Variants in SEC24B observed in about 807,000 individuals in gnomAD.
The protein encoded by SEC24B is SEC24 homolog B, COPII component.
A neutral mutation model predicts 142.8 loss-of-function variants in SEC24B; 45 were observed. That is an observed-to-expected ratio of 0.32 (90% confidence interval 0.25 to 0.40). SEC24B has a LOEUF of 0.40. SEC24B is among the 10% of genes least tolerant of loss of function. The pLI is 1.00. For synonymous variants in SEC24B, 574 were observed against 568.2 expected (o/e 1.01, Z -0.15); for missense variants, 1,409 against 1,526.8 (o/e 0.92, Z 1.29).
At chr4:109,445,574 T>A (rs1409103535) in intron 1 of SEC24B, among the ~76,000 whole-genome samples, 1 of 150,152 alleles carries the variant, frequency 6.7e-6, no homozygotes, top group Non-Finnish European at 1.5e-5. Flanking sequence ...TATTTTATTT[T>A]ATTTATTTTT....
At chr4:109,460,996 C>G (rs1413752653) in intron 1 of SEC24B, among the ~76,000 whole-genome samples, 2 of 151,822 alleles carry the variant, frequency 1.3e-5, no homozygotes, top group Non-Finnish European at 2.9e-5. Flanking sequence ...GAAACTATAG[C>G]AAAAGATACC....
Position 109,530,891 on chromosome 4 carries a change from G to A in SEC24B, c.3252+427G>A, listed in dbSNP as rs1372030040. On this transcript the variant is annotated intron_variant, in intron 19 of 23. Transcript: ENST00000265175. ...AGCCTGGGCAACAGAGCGAGACTCC[G>A]TCTCAAAAAAAAAAAAAAAAAAAAA... Among the ~76,000 whole-genome samples, 9 of 100,640 alleles carry A rather than the reference G, an allele frequency of 8.9e-5. No individual in the cohort carries two copies. In the East Asian group the frequency reaches 1.5e-3, roughly 16 times the overall value. 66.0% of individuals were successfully genotyped at this position (100,640 alleles called of 152,430 possible). A position where few individuals can be genotyped will look rare whatever the true frequency, so the allele number is the denominator to read the frequency against.
At chr4:109,537,200 T>C (rs904293358) in intron 22 of SEC24B, among the ~76,000 whole-genome samples, 7 of 152,210 alleles carry the variant, frequency 4.6e-5, no homozygotes, top group Non-Finnish European at 7.3e-5. Flanking sequence ...AATTTAGCAT[T>C]TCTTTCATTT....
Position 109,453,854 on chromosome 4 carries a change from G to A in SEC24B, c.134-9047G>A, listed in dbSNP as rs373493284. On this transcript the variant is annotated intron_variant, in intron 1 of 23. Coordinates refer to ENST00000265175, the MANE Select transcript of SEC24B (RefSeq NM_006323.5). ...ACGGCTTCAGCAGGTCCTGCCGTTC[G>A]GTATCCCTGACTTCCCGCAACAGAC... Among the ~76,000 whole-genome samples, 18 of 152,174 alleles carry A rather than the reference G, an allele frequency of 1.2e-4. 1 individual carries two copies. In the East Asian group the frequency reaches 2.9e-3, roughly 25 times the overall value.
At chr4:109,526,751 T>G (rs1724273392) in intron 17 of SEC24B, among the ~76,000 whole-genome samples, 1 of 152,206 alleles carries the variant, frequency 6.6e-6, no homozygotes, top group Non-Finnish European at 1.5e-5. Context: ...AGTTTTCTGG[T>G]ATTTTACTCT....
intron 1 of SEC24B, among the ~76,000 whole-genome samples, chr4:109,452,942 C>T (rs1730260402): frequency 1.3e-5 from 2 of 152,082 alleles, no homozygotes; most frequent in Non-Finnish European, 2.9e-5. Flanking sequence ...CGTTATTTCA[C>T]GTAGGTTCTT....
intron 18 of SEC24B, among the ~76,000 whole-genome samples, chr4:109,529,006 T>A (rs1724588281): frequency 1.3e-5 from 2 of 151,990 alleles, no homozygotes; most frequent in African/African-American, 4.8e-5. Flanking sequence ...CTACTAAAAA[T>A]ACAAAAATTA....
intron 22 of SEC24B, 69 bp from the exon 23 acceptor site, chr4:109,538,424 A>G (rs757853770): frequency 6.0e-5 from 61 of 1,022,756 alleles, no homozygotes; most frequent in Non-Finnish European, 8.3e-5. Context: ...GGTAGGAATC[A>G]TGATTTTGTT....
intron 7 of SEC24B, 36 bp from the exon 8 acceptor site, chr4:109,509,973 A>G: frequency 1.5e-6 from 2 of 1,299,728 alleles, no homozygotes; most frequent in Non-Finnish European, 2.2e-6. Context: ...TTTCTCTGAT[A>G]GCTAATATCC....
At chr4:109,513,227 G>C (rs1737559186) in intron 9 of SEC24B, among the ~76,000 whole-genome samples, 1 of 150,626 alleles carries the variant, frequency 6.6e-6, no homozygotes, top group Admixed American at 6.6e-5. Context: ...CCCCGCCTCA[G>C]CCTCCCAAAA....
In SEC24B at chr4:109,492,119, T is replaced by C. The variant is rs1044481656; in HGVS notation, c.1246+712T>C. ...TTATCTCTTTGTTGATGATCCAGGA[T>C]GAAGTTTAATTGAAGTTGGAATGTT... On this transcript the variant is annotated intron_variant, in intron 5 of 23. Coordinates refer to ENST00000265175, the MANE Select transcript of SEC24B (RefSeq NM_006323.5). Among the ~76,000 whole-genome samples, 5 of 150,936 alleles carry C rather than the reference T, an allele frequency of 3.3e-5. No homozygotes were observed. The South Asian group carries it at 6.3e-4, about 19-fold the overall frequency.
chr4:109,449,672 CTCTT>C (rs1729859930), intron 1 of SEC24B, among the ~76,000 whole-genome samples: 2 of 152,074 alleles, frequency 1.3e-5, no homozygotes, highest in African/African-American at 4.8e-5. Flanking sequence ...AGAGATCTCT[CTCTT>C]CTTTTTATAA....
intron 6 of SEC24B, among the ~76,000 whole-genome samples, chr4:109,498,181 G>A (rs1578903681): frequency 6.6e-6 from 1 of 152,190 alleles, no homozygotes; most frequent in Middle Eastern, 3.4e-3. Flanking sequence ...AAGATTACAA[G>A]CAGCTATTTT....
At chr4:109,457,470 C>T (rs1028625742) in intron 1 of SEC24B, among the ~76,000 whole-genome samples, 1 of 152,228 alleles carries the variant, frequency 6.6e-6, no homozygotes, top group Non-Finnish European at 1.5e-5. Context: ...TGGCAGAAAA[C>T]ATCACGTGGC....
chr4:109,535,111 C>T (rs999261506), intron 22 of SEC24B, among the ~76,000 whole-genome samples: 3 of 152,148 alleles, frequency 2.0e-5, no homozygotes, highest in Admixed American at 2.0e-4. Context: ...ACTATGAATG[C>T]TTATGTACGA....
intron 6 of SEC24B, among the ~76,000 whole-genome samples, chr4:109,497,253 G>A (rs1036729992): frequency 1.3e-5 from 2 of 152,238 alleles, no homozygotes; most frequent in African/African-American, 4.8e-5. Flanking sequence ...TGACAAAGGA[G>A]TGTAGGAAGT....
intron 1 of SEC24B, among the ~76,000 whole-genome samples, chr4:109,458,330 A>G (rs1360852254): frequency 6.6e-6 from 1 of 151,928 alleles, no homozygotes; most frequent in East Asian, 1.9e-4. Flanking sequence ...TCATTTTTGG[A>G]ATAGATTTAT....
At position 109,494,837 on chromosome 4, in the gene SEC24B, G is replaced by A; in HGVS notation, c.1469G>A (p.Gly490Glu). ...GVQPSNPVYS[G>E]FQQYPQQYPG... Reference sequence around the variant, plus strand: ...CAGCCCAGTAACCCGGTATATTCTGGATTCCAGCAGTATCCTCAAGTATGT... The same window carrying A: ...CAGCCCAGTAACCCGGTATATTCTGAATTCCAGCAGTATCCTCAAGTATGT... Residue 490 changes from glycine (G) to glutamate (E), a missense_variant, in exon 6 of 24, where the codon GGA becomes GAA. Transcript: ENST00000265175. The A allele has an allele frequency of 1.9e-6, 3 of 1,614,098 alleles. No individual in the cohort carries two copies. The highest frequency in any genetic ancestry group is 2.5e-6 in the Non-Finnish European group (3 of 1,179,952).
intron 17 of SEC24B, 60 bp from the exon 18 acceptor site, chr4:109,527,262 A>G (rs1724349757): frequency 3.7e-6 from 4 of 1,093,248 alleles, no homozygotes; most frequent in African/African-American, 3.2e-5. Flanking sequence ...AGTATTTGAC[A>G]TGTTTGCTTT....
Sources: allele counts gnomAD v4.1 joint callset (sites outside exome capture counted in the v4.1 genomes callset), GRCh38; gene constraint gnomAD v4.1.1; transcripts MANE v1.5; gene names NCBI Gene and HGNC (gene_info 2026-07-23, HGNC 2026-07-21).